The following SPECC1 variants were observed in gnomAD, a reference collection of about 807,000 sequenced individuals.
The protein encoded by SPECC1 is cytospin-B.
In SPECC1, 62 loss-of-function variants were observed where a neutral mutation model predicts 104.1. The observed-to-expected ratio is 0.60, with a 90% CI of 0.49 to 0.74. The LOEUF is 0.74. SPECC1 is among the 30% of genes least tolerant of loss of function. The pLI is 0.00. For missense variants in SPECC1, 1,306 were observed against 1,310.5 expected, an observed-to-expected ratio of 1.00 and a Z score of 0.05; for synonymous variants, 513 against 501.6, an observed-to-expected ratio of 1.02 and a Z score of -0.30.
chr17:20,196,447 A>G (rs1597943730), intron 3 of SPECC1, among the ~76,000 whole-genome samples: 2 of 144,760 alleles, frequency 1.4e-5, no homozygotes, highest in Middle Eastern at 9.5e-3. Flanking sequence ...TTACTTAAGC[A>G]GGCAAGTTAT....
intron 3 of SPECC1, among the ~76,000 whole-genome samples, chr17:20,179,111 A>C (rs2034682563): frequency 6.6e-6 from 1 of 152,272 alleles, no homozygotes; most frequent in African/African-American, 2.4e-5. Flanking sequence ...TTGGCTAATA[A>C]ATTTTTAAAG....
rs902153954 is a variant in SPECC1 at position 20,191,040 on chromosome 17, T to C, written c.284-13293T>C. 5.9e-5 allele frequency among the ~76,000 whole-genome samples: 9 copies of C among 152,206 alleles called. No individual in the cohort carries two copies. In the South Asian group the frequency reaches 6.2e-4, roughly 11 times the overall value. On this transcript the variant is annotated intron_variant, in intron 3 of 14. Transcript: ENST00000395527. ...CAGACTGCTTCTTTAACTTAGTAAA[T>C]GCTTCAGTTAAGGTTCCTCCATGTC...
rs1030868864 is a variant in SPECC1, at chr17:20,315,376, C to G, written c.*1311C>G. The G allele has an allele frequency of 1.3e-5, 3 of 232,866 alleles. No individual in the cohort carries two copies. Among genetic ancestry groups the G allele is most frequent in the African/African-American group, 6.6e-5 (3 of 45,326 alleles). 14.4% of individuals were successfully genotyped at this position (232,866 alleles called of 1,614,324 possible). A position where few individuals can be genotyped will look rare whatever the true frequency, so the allele number is the denominator to read the frequency against. ...CCTCCCCAGCGGTGCCCCAGTCCCT[C>G]AGAAGTGCTCAGTCCGGCCCGAGTG... On this transcript the variant is annotated 3_prime_UTR_variant, in exon 15 of 15. Transcript: ENST00000395527.
At chr17:20,296,362 G>T (rs35103332) in intron 12 of SPECC1, among the ~76,000 whole-genome samples, 115,812 of 152,072 alleles carry the variant, frequency 0.76, 45,325 homozygotes, top group East Asian at 0.99. Context: ...AGGGCTCTAT[G>T]CTGTTCCATT....
chr17:20,175,928 C>A (rs947117797), intron 3 of SPECC1, among the ~76,000 whole-genome samples: 2 of 152,222 alleles, frequency 1.3e-5, no homozygotes, highest in Admixed American at 1.3e-4. Flanking sequence ...AAAAGAGAAC[C>A]ATACTGACCT....
chr17:20,110,681 C>G, intron 3 of SPECC1, 119 bp downstream of exon 3: 1 of 1,244,610 alleles, frequency 8.0e-7, no homozygotes, highest in African/African-American at 1.5e-5. Flanking sequence ...ACCACTTACC[C>G]TGGGCCGGAA....
chr17:20,242,601 ATT>A lies in SPECC1; in HGVS notation c.2352-3320_2352-3319del, dbSNP rs531977189. Among the ~76,000 whole-genome samples, 36 of 152,334 alleles carry A rather than the reference ATT, an allele frequency of 2.4e-4. No homozygotes were observed. In the South Asian group the frequency reaches 7.5e-3, roughly 32 times the overall value. ...AGGAACACTGAAATAACTTGGTAGT[ATT>A]TTTTAAATGTACTTAAAATTTAGGA... On this transcript the variant is annotated intron_variant, in intron 7 of 14. Transcript: ENST00000395527.
chr17:20,154,992 A>G (rs1025257394), intron 3 of SPECC1, among the ~76,000 whole-genome samples: 1 of 152,190 alleles, frequency 6.6e-6, no homozygotes, highest in African/African-American at 2.4e-5. Context: ...GTGTCAAGAG[A>G]AGGTGTCAAG....
At chr17:20,286,426 T>G (rs1419705031) in intron 12 of SPECC1, among the ~76,000 whole-genome samples, 7 of 152,088 alleles carry the variant, frequency 4.6e-5, no homozygotes, top group Admixed American at 4.6e-4. Context: ...CCTGGGGTGG[T>G]CTGTGTTTCT....
intron 1 of SPECC1, among the ~76,000 whole-genome samples, chr17:20,040,826 A>C (rs1161556934): frequency 6.6e-6 from 1 of 152,174 alleles, no homozygotes; most frequent in Non-Finnish European, 1.5e-5. Context: ...TTTGGGGTTC[A>C]GCATTTCGAA....
chr17:20,160,445 A>C (rs62066870), intron 3 of SPECC1, among the ~76,000 whole-genome samples: 85,978 of 151,784 alleles, frequency 0.57, 24,941 homozygotes, highest in Middle Eastern at 0.61. Flanking sequence ...AGTCACAGAG[A>C]CCCACTGACA....
Position 20,204,391 on chromosome 17 carries a change from T to A in SPECC1, c.342T>A (p.Thr114=), listed in dbSNP as rs779742479. The A allele has an allele frequency of 1.2e-6, 2 of 1,614,086 alleles. No individual in the cohort carries two copies. The highest frequency in any genetic ancestry group is 1.7e-6 in the Non-Finnish European group (2 of 1,180,010). The change falls in exon 4 of 15, where the codon ACT becomes ACA. Residue 114 remains threonine (T), a synonymous_variant. Coordinates refer to ENST00000395527, the MANE Select transcript of SPECC1 (RefSeq NM_001243439.2). ...GIPAPREFSV[T]VSRERSVPRG... ...CAGCCCCACGGGAATTTTCAGTAAC[T>A]GTCTCAAGAGAGAGGTCTGTGCCAC...
chr17:20,128,832 A>G (rs748426184), intron 3 of SPECC1, among the ~76,000 whole-genome samples: 49 of 152,120 alleles, frequency 3.2e-4, no homozygotes, highest in Non-Finnish European at 1.9e-4. Flanking sequence ...ATTTTTCTTC[A>G]AAATAGAAAT....
At chr17:20,221,504 A>G (rs1455199773) in intron 4 of SPECC1, among the ~76,000 whole-genome samples, 5 of 152,074 alleles carry the variant, frequency 3.3e-5, no homozygotes, top group South Asian at 2.1e-4. Flanking sequence ...ATTGGTTGCA[A>G]TATCTCCTTT....
At chr17:20,267,502 G>A (rs2040256337) in intron 12 of SPECC1, among the ~76,000 whole-genome samples, 1 of 152,146 alleles carries the variant, frequency 6.6e-6, no homozygotes, top group African/African-American at 2.4e-5. Flanking sequence ...ATATGACACA[G>A]GGAGATGGTC....
intron 1 of SPECC1, among the ~76,000 whole-genome samples, chr17:20,019,270 A>C (rs1387062408): frequency 6.6e-6 from 1 of 150,420 alleles, no homozygotes; most frequent in African/African-American, 2.4e-5. Flanking sequence ...ATTTATTTTA[A>C]AAAGCAGTCT....
At chr17:20,149,036 C>T (rs1212044625) in intron 3 of SPECC1, among the ~76,000 whole-genome samples, 1 of 138,944 alleles carries the variant, frequency 7.2e-6, no homozygotes. Flanking sequence ...GGATTACATT[C>T]TTAACATATG....
intron 1 of SPECC1, among the ~76,000 whole-genome samples, chr17:20,066,481 C>T (rs749114205): frequency 4.6e-5 from 7 of 152,128 alleles, no homozygotes; most frequent in East Asian, 1.9e-4. Context: ...GTCATCCATC[C>T]GGCTCCTGGA....
chr17:20,253,419 C>A, intron 9 of SPECC1, 86 bp from the exon 10 acceptor site: 1 of 1,314,118 alleles, frequency 7.6e-7, no homozygotes. Flanking sequence ...CTGTTGCACA[C>A]ACACGCATGC....
Sources: allele counts gnomAD v4.1 joint callset (sites outside exome capture counted in the v4.1 genomes callset), GRCh38; gene constraint gnomAD v4.1.1; transcripts MANE v1.5; gene names NCBI Gene and HGNC (gene_info 2026-07-23, HGNC 2026-07-21).